HS6ST3: variants seen among roughly 807,000 people sequenced by gnomAD.
HS6ST3 encodes the protein heparan-sulfate 6-O-sulfotransferase 3.
Under a neutral mutation model 36.7 loss-of-function variants are expected in HS6ST3, and 12 were observed. The ratio of observed to expected loss-of-function variants is 0.33; its 90% confidence interval spans 0.21 to 0.53. The LOEUF (loss-of-function observed/expected upper bound fraction) is 0.53. HS6ST3 is among the 20% of genes least tolerant of loss of function. The pLI is 0.95. For synonymous variants in HS6ST3, 240 were observed against 257.5 expected (o/e 0.93, Z 0.65); for missense variants, 584 against 640.9 (o/e 0.91, Z 0.96).
chr13:96,116,324 G>C (rs1365661538), intron 1 of HS6ST3, among the ~76,000 whole-genome samples: 1 of 152,098 alleles, frequency 6.6e-6, no homozygotes, highest in Non-Finnish European at 1.5e-5. Context: ...CTTTTTGTGA[G>C]GTCCCATGGA....
intron 1 of HS6ST3, among the ~76,000 whole-genome samples, chr13:96,452,411 T>C (rs1464020777): frequency 6.6e-6 from 1 of 152,206 alleles, no homozygotes; most frequent in Non-Finnish European, 1.5e-5. Flanking sequence ...CAAAAATCCA[T>C]TGACATGAAA....
intron 1 of HS6ST3, among the ~76,000 whole-genome samples, chr13:96,154,166 G>A (rs2054099917): frequency 6.6e-6 from 1 of 152,034 alleles, no homozygotes; most frequent in Non-Finnish European, 1.5e-5. Context: ...TTAAATATCA[G>A]ATAATTTGAG....
intron 1 of HS6ST3, among the ~76,000 whole-genome samples, chr13:96,248,450 T>A (rs1403562791): frequency 6.6e-6 from 1 of 152,190 alleles, no homozygotes; most frequent in Non-Finnish European, 1.5e-5. Flanking sequence ...ATGTTGTTGT[T>A]TATTTAAATT....
chr13:96,569,220 T>G (rs1018832494), intron 1 of HS6ST3, among the ~76,000 whole-genome samples: 8 of 152,240 alleles, frequency 5.3e-5, no homozygotes, highest in Non-Finnish European at 1.0e-4. Flanking sequence ...CAAATTACCC[T>G]GATAATGTGA....
intron 1 of HS6ST3, among the ~76,000 whole-genome samples, chr13:96,680,232 C>A (rs2056713599): frequency 1.3e-5 from 2 of 152,140 alleles, no homozygotes; most frequent in African/African-American, 4.8e-5. Context: ...TTCCTGATGG[C>A]ATCTAGGATC....
At chr13:96,725,899 C>T (rs541684747) in intron 1 of HS6ST3, among the ~76,000 whole-genome samples, 5 of 152,064 alleles carry the variant, frequency 3.3e-5, no homozygotes, top group East Asian at 3.9e-4. Context: ...TGCAGTGGCG[C>T]GATCTCAGCT....
At chr13:96,802,181 G>C (rs555723808) in intron 1 of HS6ST3, among the ~76,000 whole-genome samples, 1 of 152,172 alleles carries the variant, frequency 6.6e-6, no homozygotes, top group South Asian at 2.1e-4. Context: ...CTGTAAACCG[G>C]TCCTTTACAG....
At position 96,237,023 on chromosome 13, in the gene HS6ST3, A is replaced by C. The variant is rs1200691463; in HGVS notation, c.707+145454A>C. On this transcript the variant is annotated intron_variant, in intron 1 of 1. Coordinates refer to ENST00000376705, the MANE Select transcript of HS6ST3 (RefSeq NM_153456.4). ...CTCTTCACAGGGCAGCAGTAGAGAG[A>C]TTGAGAACTGAGCCAAGGGGGAAGC... is the stretch of plus-strand genomic sequence containing the variant. Among the ~76,000 whole-genome samples, 3 of 152,212 alleles carry C rather than the reference A, an allele frequency of 2.0e-5. No individual in the cohort carries two copies. The East Asian group carries it at 5.8e-4, about 29-fold the overall frequency.
At chr13:96,602,980 G>A (rs2056426840) in intron 1 of HS6ST3, among the ~76,000 whole-genome samples, 1 of 152,120 alleles carries the variant, frequency 6.6e-6, no homozygotes, top group Admixed American at 6.6e-5. Context: ...TTATTGTCAT[G>A]CTATAGCCAG....
intron 1 of HS6ST3, among the ~76,000 whole-genome samples, chr13:96,241,952 A>AT (rs1183753978): frequency 2.0e-5 from 3 of 150,992 alleles, no homozygotes; most frequent in Admixed American, 2.0e-4. Flanking sequence ...TGCCCGGCTA[A>AT]TTTTTTGTAT....
chr13:96,334,625 A>G (rs2065291228), intron 1 of HS6ST3, among the ~76,000 whole-genome samples: 1 of 152,176 alleles, frequency 6.6e-6, no homozygotes, highest in South Asian at 2.1e-4. Context: ...TATCTTACAC[A>G]GTGGCGGGGA....
intron 1 of HS6ST3, among the ~76,000 whole-genome samples, chr13:96,162,402 C>T (rs1033967486): frequency 2.6e-4 from 39 of 152,224 alleles, no homozygotes; most frequent in Non-Finnish European, 7.4e-5. Flanking sequence ...AATAGGTAGG[C>T]GACAGCGCCA....
chr13:96,279,675 C>G (rs1221929134), intron 1 of HS6ST3, among the ~76,000 whole-genome samples: 1 of 152,156 alleles, frequency 6.6e-6, no homozygotes, highest in Non-Finnish European at 1.5e-5. Flanking sequence ...CTTACCTGCT[C>G]TATTTCCCTT....
At chr13:96,555,419 G>A (rs150678864) in intron 1 of HS6ST3, among the ~76,000 whole-genome samples, 2 of 152,218 alleles carry the variant, frequency 1.3e-5, no homozygotes, top group African/African-American at 4.8e-5. Context: ...ATATTTTCAA[G>A]CAAACATTTG....
intron 1 of HS6ST3, among the ~76,000 whole-genome samples, chr13:96,765,089 C>T (rs1345231671): frequency 2.7e-5 from 3 of 109,122 alleles, no homozygotes; most frequent in Admixed American, 1.3e-4. Flanking sequence ...TTTTTTGAGA[C>T]GGAGTCTCGC....
chr13:96,350,544 G>T (rs988178201), intron 1 of HS6ST3, among the ~76,000 whole-genome samples: 5 of 152,160 alleles, frequency 3.3e-5, no homozygotes. Context: ...AAATGTGGGG[G>T]TCTCTAACTC....
At chr13:96,646,492 G>A (rs893871962) in intron 1 of HS6ST3, among the ~76,000 whole-genome samples, 1 of 152,116 alleles carries the variant, frequency 6.6e-6, no homozygotes, top group African/African-American at 2.4e-5. Context: ...AATGGATTAA[G>A]AGAATATTTT....
intron 1 of HS6ST3, among the ~76,000 whole-genome samples, chr13:96,373,932 C>T (rs2139442542): frequency 6.6e-6 from 1 of 152,276 alleles, no homozygotes; most frequent in South Asian, 2.1e-4. Flanking sequence ...CTTTCCTTTT[C>T]CCTTTTAGGG....
chr13:96,733,016 T>A (rs1876199406), intron 1 of HS6ST3, among the ~76,000 whole-genome samples: 1 of 152,244 alleles, frequency 6.6e-6, no homozygotes, highest in Non-Finnish European at 1.5e-5. Flanking sequence ...ATTTGTTTAT[T>A]ATTTCTAACA....
Sources: allele counts gnomAD v4.1 joint callset (sites outside exome capture counted in the v4.1 genomes callset), GRCh38; gene constraint gnomAD v4.1.1; transcripts MANE v1.5; gene names NCBI Gene and HGNC (gene_info 2026-07-23, HGNC 2026-07-21).